Variants in MYT1L observed in about 807,000 individuals in gnomAD.
MYT1L encodes the protein myelin transcription factor 1-like protein.
Under a neutral mutation model 126.7 loss-of-function variants are expected in MYT1L, and 12 were observed. The ratio of observed to expected loss-of-function variants is 0.09; its 90% CI spans 0.06 to 0.15. MYT1L has a LOEUF of 0.15. Ranked by LOEUF, MYT1L falls within the 10% of genes least tolerant of loss-of-function variation. The pLI, the probability that MYT1L is intolerant of heterozygous loss-of-function variation, is 1.00. For synonymous variants in MYT1L, 541 were observed against 604.2 expected, an observed-to-expected ratio of 0.90 and a Z score of 1.53; for missense variants, 979 against 1,585.2, an observed-to-expected ratio of 0.62 and a Z score of 6.49.
In MYT1L at chr2:2,281,923, C is replaced by G. The variant is rs144679978; in HGVS notation, c.-421+2481G>C. ...AAGCAATAAAAAGGCTACTTTTTAGCGGTAGGTGGCATGGGGGCAGAAATG... is the reference window on the plus strand; with the variant it reads ...AAGCAATAAAAAGGCTACTTTTTAGGGGTAGGTGGCATGGGGGCAGAAATG... On this transcript the variant is annotated intron_variant, in intron 2 of 24. Coordinates refer to ENST00000647738, the MANE Select transcript of MYT1L (RefSeq NM_001303052.2). 7.1e-3 allele frequency among the ~76,000 whole-genome samples: 1,075 copies of G among 152,224 alleles called. 11 individuals are homozygous for G. Among genetic ancestry groups the G allele is most frequent in the African/African-American group, 0.025 (1,021 of 41,556 alleles).
At chr2:2,295,565 CAGAG>C (rs60405946) in intron 1 of MYT1L, among the ~76,000 whole-genome samples, 4 of 33,860 alleles carry the variant, frequency 1.2e-4, no homozygotes, top group South Asian at 1.2e-3. Flanking sequence ...GACAGACAGA[CAGAG>C]AGAGAGAGAG....
chr2:1,796,434 C>T (rs555470912), intron 23 of MYT1L, among the ~76,000 whole-genome samples: 1 of 152,196 alleles, frequency 6.6e-6, no homozygotes, highest in Non-Finnish European at 1.5e-5. Flanking sequence ...CACAGAGAGG[C>T]TTAGCCCCAG....
At chr2:2,229,696 G>A (rs1191224722) in intron 2 of MYT1L, among the ~76,000 whole-genome samples, 1 of 151,948 alleles carries the variant, frequency 6.6e-6, no homozygotes, top group African/African-American at 2.4e-5. Context: ...GCAAGGCACT[G>A]TGTTCAGAAT....
intron 2 of MYT1L, among the ~76,000 whole-genome samples, chr2:2,269,758 A>G (rs373159370): frequency 2.0e-5 from 3 of 152,092 alleles, no homozygotes; most frequent in East Asian, 1.9e-4. Flanking sequence ...TTTCTTCTCT[A>G]TAGTGCCTTC....
intron 5 of MYT1L, among the ~76,000 whole-genome samples, chr2:1,988,624 C>T (rs1170118667): frequency 6.6e-6 from 1 of 152,234 alleles, no homozygotes; most frequent in Non-Finnish European, 1.5e-5. Context: ...GCACAATCAC[C>T]TTTATGAATC....
intron 2 of MYT1L, among the ~76,000 whole-genome samples, chr2:2,183,886 G>A (rs1327173141): frequency 2.4e-5 from 3 of 127,494 alleles, no homozygotes; most frequent in Non-Finnish European, 3.2e-5. Flanking sequence ...GAAGGAGAGA[G>A]ACAAAGGAAG....
intron 2 of MYT1L, among the ~76,000 whole-genome samples, chr2:2,238,771 T>G (rs1443551187): frequency 6.6e-6 from 1 of 152,248 alleles, no homozygotes; most frequent in Non-Finnish European, 1.5e-5. Flanking sequence ...TAAATACATC[T>G]CTACATGTTC....
intron 2 of MYT1L, among the ~76,000 whole-genome samples, chr2:2,200,054 A>G (rs965167401): frequency 6.6e-6 from 1 of 152,144 alleles, no homozygotes; most frequent in Non-Finnish European, 1.5e-5. Context: ...CTTACGGTTT[A>G]CAAAATGCAT....
chr2:2,146,488 C>A (rs2084895337), intron 3 of MYT1L, among the ~76,000 whole-genome samples: 3 of 152,164 alleles, frequency 2.0e-5, no homozygotes. Context: ...GGTCCTGCCT[C>A]CCTTCCTGGG....
rs118026125 is a variant in MYT1L, at chr2:2,088,052, G to T, written c.-303-33929C>A. ...GATGGTTAGGAGGGGTCAACAAGAG[G>T]TCATGCAGCCAACAGCACAGAGAAG... is the stretch of plus-strand genomic sequence containing the variant. On this transcript the variant is annotated intron_variant, in intron 3 of 24. Transcript: ENST00000647738. Among the ~76,000 whole-genome samples, 30 of 152,312 alleles carry T rather than the reference G, an allele frequency of 2.0e-4. No individual in the cohort carries two copies. In the East Asian group the frequency reaches 4.2e-3, roughly 22 times the overall value.
At chr2:2,187,016 C>A (rs949961889) in intron 2 of MYT1L, among the ~76,000 whole-genome samples, 9 of 152,138 alleles carry the variant, frequency 5.9e-5, no homozygotes, top group Admixed American at 1.3e-4. Flanking sequence ...AAGGTATGAT[C>A]GAAACTTGGC....
chr2:2,031,587 C>T (rs1272462227), intron 4 of MYT1L, among the ~76,000 whole-genome samples: 1 of 142,746 alleles, frequency 7.0e-6, no homozygotes, highest in Non-Finnish European at 1.5e-5. Context: ...ACACACCCCT[C>T]GCCAGTGCCT....
rs532675895 is a variant in MYT1L, at chr2:2,285,387, A to G, written c.-520-884T>C. ...ACATGCACAGACCAGGAAGTTTCCC[A>G]TATTTCCTATTTCCTAGGTTCACTT... On this transcript the variant is annotated intron_variant, in intron 1 of 24. Coordinates refer to ENST00000647738, the MANE Select transcript of MYT1L (RefSeq NM_001303052.2). Among the ~76,000 whole-genome samples, 4 of 152,360 alleles carry G rather than the reference A, an allele frequency of 2.6e-5. No homozygotes were observed. In the South Asian group the frequency reaches 8.3e-4, roughly 32 times the overall value.
intron 2 of MYT1L, among the ~76,000 whole-genome samples, chr2:2,191,108 C>G (rs1291825860): frequency 6.6e-6 from 1 of 152,136 alleles, no homozygotes; most frequent in African/African-American, 2.4e-5. Flanking sequence ...TAAGTGAGGT[C>G]TTGCTTGAAG....
At chr2:2,003,662 A>T (rs1215986721) in intron 4 of MYT1L, among the ~76,000 whole-genome samples, 1 of 151,946 alleles carries the variant, frequency 6.6e-6, no homozygotes, top group Non-Finnish European at 1.5e-5. Flanking sequence ...CTTCAGTGCC[A>T]CCCCATCACC....
intron 21 of MYT1L, among the ~76,000 whole-genome samples, chr2:1,814,027 CA>C (rs144973855): frequency 0.021 from 2,641 of 124,536 alleles, 53 homozygotes; most frequent in South Asian, 0.035. Flanking sequence ...ACTCCGTCCC[CA>C]AAAAAAAAAA....
intron 5 of MYT1L, among the ~76,000 whole-genome samples, chr2:1,993,436 G>A (rs1304144101): frequency 6.6e-6 from 1 of 151,868 alleles, no homozygotes; most frequent in African/African-American, 2.4e-5. Flanking sequence ...ACAAAATCAG[G>A]CTCTGTTTAC....
intron 4 of MYT1L, among the ~76,000 whole-genome samples, chr2:2,025,844 A>C (rs2065494794): frequency 6.6e-6 from 1 of 152,236 alleles, no homozygotes; most frequent in South Asian, 2.1e-4. Flanking sequence ...AGGTAGTGTG[A>C]CCTATTGCAA....
chr2:2,183,759 G>A (rs906354279), intron 2 of MYT1L, among the ~76,000 whole-genome samples: 21 of 150,814 alleles, frequency 1.4e-4, no homozygotes, highest in African/African-American at 4.9e-4. Context: ...GGGAGGGAGG[G>A]AAGGAGGGAG....
Sources: allele counts gnomAD v4.1 joint callset (sites outside exome capture counted in the v4.1 genomes callset), GRCh38; gene constraint gnomAD v4.1.1; transcripts MANE v1.5; gene names NCBI Gene and HGNC (gene_info 2026-07-23, HGNC 2026-07-21).